Variants in UNC13C observed in about 807,000 individuals in gnomAD.
UNC13C encodes the protein unc-13 homolog C.
Under a neutral mutation model 245.4 loss-of-function variants are expected in UNC13C, and 174 were observed. The observed-to-expected ratio is 0.71, with a 90% CI of 0.63 to 0.80. The LOEUF (loss-of-function observed/expected upper bound fraction) is 0.80, where lower values mean the gene tolerates loss of function less well. Ranked by LOEUF, UNC13C falls within the 30% of genes least tolerant of loss-of-function variation. The pLI is 0.00. For synonymous variants in UNC13C, 992 were observed against 895.1 expected (o/e 1.11, Z -1.93); for missense variants, 2,829 against 2,602.9 (o/e 1.09, Z -1.89).
chr15:53,925,338 A>G, the UNC13C span, among the ~76,000 whole-genome samples: 1 of 152,228 alleles, frequency 6.6e-6, no homozygotes, highest in African/African-American at 2.4e-5. Flanking sequence ...AAACACAACA[A>G]GACACTTTGT....
chr15:53,908,660 G>A, the UNC13C span, among the ~76,000 whole-genome samples: 1 of 140,228 alleles, frequency 7.1e-6, no homozygotes, highest in Non-Finnish European at 1.6e-5. Flanking sequence ...ACTGCAGAAG[G>A]AGGATCAGCT....
chr15:53,875,655 G>A, the UNC13C span, among the ~76,000 whole-genome samples: 1 of 152,130 alleles, frequency 6.6e-6, no homozygotes, highest in African/African-American at 2.4e-5. Context: ...CAGGGAAATG[G>A]GGCCAGGTAA....
At chr15:54,056,718 G>A (rs1049389793) in intron 2 of UNC13C, among the ~76,000 whole-genome samples, 23 of 152,082 alleles carry the variant, frequency 1.5e-4, no homozygotes, top group African/African-American at 2.7e-4. Context: ...GAGAAAGGTC[G>A]GGTTACCCAG....
intron 4 of UNC13C, among the ~76,000 whole-genome samples, chr15:54,229,537 C>T (rs1298463496): frequency 1.3e-5 from 2 of 152,032 alleles, no homozygotes; most frequent in African/African-American, 4.8e-5. Flanking sequence ...TTATCATGTA[C>T]AGCTTTATAT....
intron 8 of UNC13C, among the ~76,000 whole-genome samples, chr15:54,253,671 C>T (rs1013607708): frequency 1.8e-4 from 27 of 152,106 alleles, no homozygotes; most frequent in African/African-American, 5.8e-4. Flanking sequence ...CCCTGAATTA[C>T]GTTAACATAA....
chr15:54,409,333 G>A (rs183642999), intron 18 of UNC13C, among the ~76,000 whole-genome samples: 1 of 151,176 alleles, frequency 6.6e-6, no homozygotes, highest in Admixed American at 6.6e-5. Context: ...TATTTTTCCA[G>A]TTTGTTGTTT....
chr15:54,304,293 T>C (rs2140952310), intron 13 of UNC13C, among the ~76,000 whole-genome samples: 1 of 152,212 alleles, frequency 6.6e-6, no homozygotes, highest in African/African-American at 2.4e-5. Flanking sequence ...ACAAGGCAGA[T>C]AGAAATAAAG....
intron 13 of UNC13C, among the ~76,000 whole-genome samples, chr15:54,302,979 C>A (rs1298333578): frequency 1.3e-5 from 2 of 151,942 alleles, no homozygotes; most frequent in African/African-American, 4.8e-5. Context: ...ATTGTGCATG[C>A]TTTTTCAGTA....
chr15:54,087,845 A>G (rs1899330861), intron 2 of UNC13C, among the ~76,000 whole-genome samples: 1 of 152,216 alleles, frequency 6.6e-6, no homozygotes, highest in Admixed American at 6.5e-5. Context: ...GACTTTCCTG[A>G]TTGAGGAAAT....
At chr15:53,946,649 A>C in the UNC13C span, among the ~76,000 whole-genome samples, 2 of 122,178 alleles carry the variant, frequency 1.6e-5, no homozygotes, top group Non-Finnish European at 3.4e-5. Context: ...TGAACCTGGG[A>C]GGGGGAGGTT....
chr15:54,291,140 T>TCC (rs1329811120), intron 10 of UNC13C, among the ~76,000 whole-genome samples: 2 of 152,052 alleles, frequency 1.3e-5, no homozygotes, highest in African/African-American at 4.8e-5. Context: ...AAATTTTGGG[T>TCC]AAATTACCAA....
At chr15:54,559,748 C>T (rs1566909796) in intron 29 of UNC13C, among the ~76,000 whole-genome samples, 1 of 151,876 alleles carries the variant, frequency 6.6e-6, no homozygotes, top group Non-Finnish European at 1.5e-5. Context: ...GGGAGAAAGA[C>T]ATTGCAGGCC....
chr15:54,606,652 G>GA (rs1486300257), intron 30 of UNC13C, among the ~76,000 whole-genome samples: 1 of 152,106 alleles, frequency 6.6e-6, no homozygotes, highest in Non-Finnish European at 1.5e-5. Context: ...ACCATAAAAG[G>GA]AAAAAACTAT....
At chr15:54,234,925 A>G (rs934401434) in intron 4 of UNC13C, 105 bp from the exon 5 acceptor site, 2 of 958,122 alleles carry the variant, frequency 2.1e-6, no homozygotes, top group African/African-American at 3.3e-5. Context: ...AAACTATGGT[A>G]TCCAGGTCAT....
intron 17 of UNC13C, among the ~76,000 whole-genome samples, chr15:54,355,795 C>T (rs1386467155): frequency 6.6e-6 from 1 of 152,082 alleles, no homozygotes; most frequent in African/African-American, 2.4e-5. Context: ...TACTCAGCCT[C>T]CCCTCCTGGA....
At chr15:54,142,484 C>T (rs1269959787) in intron 2 of UNC13C, among the ~76,000 whole-genome samples, 1 of 152,212 alleles carries the variant, frequency 6.6e-6, no homozygotes, top group Non-Finnish European at 1.5e-5. Flanking sequence ...AATCTTTTAG[C>T]TCGTAAACTC....
chr15:54,136,263 G>T (rs2031725446), intron 2 of UNC13C, among the ~76,000 whole-genome samples: 1 of 152,140 alleles, frequency 6.6e-6, no homozygotes, highest in African/African-American at 2.4e-5. Context: ...TCAATCTCCT[G>T]AGTAGCTGGG....
chr15:53,856,518 A>C, the UNC13C span, among the ~76,000 whole-genome samples: 1 of 152,030 alleles, frequency 6.6e-6, no homozygotes, highest in South Asian at 2.1e-4. Context: ...GTTTCATAGA[A>C]TTTCTTGATT....
At chr15:54,248,256 A>G (rs1416451941) in intron 7 of UNC13C, among the ~76,000 whole-genome samples, 5 of 152,062 alleles carry the variant, frequency 3.3e-5, no homozygotes, top group Non-Finnish European at 5.9e-5. Context: ...GCCTGATGCA[A>G]TTGCAAGTAT....
Sources: gnomAD v4.1 joint callset for allele counts (sites outside exome capture counted in the v4.1 genomes callset) on GRCh38, gnomAD v4.1.1 for gene constraint, MANE v1.5 for transcripts, NCBI Gene and HGNC (gene_info 2026-07-23, HGNC 2026-07-21) for gene names.